Variants in NIPBL observed in about 807,000 individuals in gnomAD.
The protein encoded by NIPBL is nipped-B-like protein.
In NIPBL, 19 loss-of-function variants were observed where a neutral mutation model predicts 321.8. That is an observed-to-expected ratio of 0.06 (90% CI 0.04 to 0.09). The LOEUF is 0.09. Ranked by LOEUF, NIPBL falls within the 10% of genes least tolerant of loss-of-function variation. The pLI is 1.00. For synonymous variants in NIPBL, 1,106 were observed against 1,114.1 expected, an observed-to-expected ratio of 0.99 and a Z score of 0.14; for missense variants, 2,210 against 3,327.0, an observed-to-expected ratio of 0.66 and a Z score of 8.26.
At chr5:36,937,889 CCT>C (rs1426308219) in intron 1 of NIPBL, among the ~76,000 whole-genome samples, 5 of 151,942 alleles carry the variant, frequency 3.3e-5, no homozygotes, top group Admixed American at 2.0e-4. Context: ...GAATCTTTCC[CCT>C]GTTTATTTTT....
chr5:37,006,648 A>G (rs1163765735), intron 17 of NIPBL, 60 bp downstream of exon 17: 5 of 1,097,086 alleles, frequency 4.6e-6, no homozygotes, highest in Non-Finnish European at 6.7e-6. Flanking sequence ...GAGTCAAAAT[A>G]GGACTTAAAA....
intron 37 of NIPBL, among the ~76,000 whole-genome samples, 179 bp from the exon 38 acceptor site, chr5:37,045,930 T>C (rs1202488099): frequency 6.6e-6 from 1 of 152,230 alleles, no homozygotes; most frequent in African/African-American, 2.4e-5. Flanking sequence ...GAAACAAGCT[T>C]CTTTGTCACA....
intron 10 of NIPBL, among the ~76,000 whole-genome samples, chr5:36,990,580 A>G (rs1042946021): frequency 1.4e-4 from 21 of 152,316 alleles, no homozygotes; most frequent in African/African-American, 3.8e-4. Flanking sequence ...GTAAAGATTG[A>G]TATCAGTGAT....
rs183685114 is a variant in NIPBL, at chr5:36,967,192, T to C, written c.611-3684T>C. 3.7e-4 allele frequency among the ~76,000 whole-genome samples: 56 copies of C among 152,222 alleles called. No homozygotes were observed. In the East Asian group the frequency reaches 0.011, roughly 29 times the overall value. ...TCGATACAGAAAGATTTAATAAATA[T>C]ATGAAATTGTGGTCACCTTAGCTCA... On this transcript the variant is annotated intron_variant, in intron 6 of 46. Coordinates refer to ENST00000282516, the MANE Select transcript of NIPBL (RefSeq NM_133433.4).
intron 6 of NIPBL, among the ~76,000 whole-genome samples, chr5:36,965,055 G>T (rs1290730972): frequency 6.6e-6 from 1 of 152,112 alleles, no homozygotes; most frequent in African/African-American, 2.4e-5. Flanking sequence ...GTGAAGAAAA[G>T]GGAATCCTCA....
At position 37,051,864 on chromosome 5, in the gene NIPBL, A is replaced by G; in HGVS notation, c.7040A>G (p.Lys2347Arg). The G allele has an allele frequency of 1.2e-6, 2 of 1,613,208 alleles. No individual in the cohort carries two copies. Among genetic ancestry groups the G allele is most frequent in the African/African-American group, 1.3e-5 (1 of 75,034 alleles). Residue 2347 changes from lysine to arginine, a missense_variant, in exon 41 of 47, where the codon AAA becomes AGA. Physicochemically the swap from Lys to Arg is conservative, Grantham distance 26. Transcript: ENST00000282516. Reference sequence around the variant, plus strand: ...GATCAGCAACTTGTGGAAATAGACAAAAAATATGCTGGATTCATTCATGTA... The same window carrying G: ...GATCAGCAACTTGTGGAAATAGACAGAAAATATGCTGGATTCATTCATGTA... ...KADQQLVEID[K>R]KYAGFIHMKA...
intron 1 of NIPBL, among the ~76,000 whole-genome samples, chr5:36,886,840 T>C (rs938312113): frequency 6.6e-6 from 1 of 151,936 alleles, no homozygotes; most frequent in African/African-American, 2.4e-5. Flanking sequence ...TTTCCTTTTC[T>C]AGAACATAAA....
intron 8 of NIPBL, among the ~76,000 whole-genome samples, chr5:36,972,665 A>G (rs1027099332): frequency 6.6e-6 from 1 of 152,116 alleles, no homozygotes; most frequent in African/African-American, 2.4e-5. Context: ...GATATTTCCA[A>G]TTCATCTTCA....
chr5:37,063,641 A>C, intron 45 of NIPBL, 149 bp from the exon 46 acceptor site: 1 of 741,326 alleles, frequency 1.3e-6, no homozygotes, highest in South Asian at 1.8e-5. Flanking sequence ...CTGGCTGTTT[A>C]CAGAAAATGT....
At chr5:36,881,546 A>G (rs1246263986) in intron 1 of NIPBL, among the ~76,000 whole-genome samples, 1 of 151,994 alleles carries the variant, frequency 6.6e-6, no homozygotes, top group Non-Finnish European at 1.5e-5. Context: ...CAATGTACAG[A>G]TGAGGAACCT....
intron 40 of NIPBL, 79 bp from the exon 41 acceptor site, chr5:37,051,699 TA>T: frequency 1.1e-6 from 1 of 889,242 alleles, no homozygotes; most frequent in Non-Finnish European, 1.9e-6. Flanking sequence ...ATATCTCAGA[TA>T]TATGAAAAGT....
At chr5:36,929,186 T>C (rs140928489) in intron 1 of NIPBL, among the ~76,000 whole-genome samples, 175 of 152,268 alleles carry the variant, frequency 1.1e-3, no homozygotes, top group African/African-American at 4.0e-3. Context: ...TTTATAACAT[T>C]ATGACAGTTT....
At chr5:36,998,222 T>A (rs1447326127) in intron 11 of NIPBL, among the ~76,000 whole-genome samples, 3 of 152,146 alleles carry the variant, frequency 2.0e-5, no homozygotes, top group African/African-American at 4.8e-5. Flanking sequence ...AAGAATAAGC[T>A]AACCACAATG....
At chr5:36,886,148 C>A in intron 1 of NIPBL, 1 of 644,632 alleles carries the variant, frequency 1.6e-6, no homozygotes, top group Non-Finnish European at 2.9e-6. Context: ...GATAAGAAAT[C>A]TGAAGGCCAG....
chr5:37,040,251 A>G (rs1376066285), intron 34 of NIPBL, among the ~76,000 whole-genome samples: 1 of 152,166 alleles, frequency 6.6e-6, no homozygotes, highest in African/African-American at 2.4e-5. Context: ...TTATGTATGT[A>G]TGTACACAAA....
chr5:37,030,215 A>G (rs1477726834), intron 32 of NIPBL, among the ~76,000 whole-genome samples: 2 of 152,120 alleles, frequency 1.3e-5, no homozygotes, highest in Admixed American at 1.3e-4. Flanking sequence ...CTCTAGTCCC[A>G]TTTATTTAGT....
chr5:36,971,139 T>C, intron 7 of NIPBL, 103 bp downstream of exon 7: 2 of 911,844 alleles, frequency 2.2e-6, no homozygotes, highest in Non-Finnish European at 3.5e-6. Flanking sequence ...CGTATATCAT[T>C]ATACTGGGTA....
chr5:36,899,920 A>C (rs1018182101), intron 1 of NIPBL, among the ~76,000 whole-genome samples: 1 of 152,206 alleles, frequency 6.6e-6, no homozygotes, highest in African/African-American at 2.4e-5. Flanking sequence ...TGTTTATAGA[A>C]TCTAGAAGGA....
At chr5:36,956,179 C>T (rs971951509) in intron 3 of NIPBL, among the ~76,000 whole-genome samples, 14 of 151,878 alleles carry the variant, frequency 9.2e-5, no homozygotes, top group South Asian at 6.3e-4. Context: ...TGCAGTGAGC[C>T]GAGATCACGC....
Sources: gnomAD v4.1 joint callset for allele counts (sites outside exome capture counted in the v4.1 genomes callset) on GRCh38, gnomAD v4.1.1 for gene constraint, MANE v1.5 for transcripts, NCBI Gene and HGNC (gene_info 2026-07-23, HGNC 2026-07-21) for gene names.